The following MAP3K20 variants were observed in gnomAD, a reference collection of about 807,000 sequenced individuals.
The protein encoded by MAP3K20 is HCCS-4.
A neutral mutation model predicts 85.7 loss-of-function variants in MAP3K20; 40 were observed. The ratio of observed to expected loss-of-function variants is 0.47; its 90% CI spans 0.36 to 0.61. The LOEUF is 0.61. MAP3K20 is among the 20% of genes least tolerant of loss of function. MAP3K20 has a pLI of 0.00. For synonymous variants in MAP3K20, 325 were observed against 327.7 expected (o/e 0.99, Z 0.09); for missense variants, 817 against 961.7 (o/e 0.85, Z 1.99).
chr2:173,229,436 A>G (rs1684469031), intron 11 of MAP3K20, among the ~76,000 whole-genome samples: 1 of 152,166 alleles, frequency 6.6e-6, no homozygotes, highest in Non-Finnish European at 1.5e-5. Flanking sequence ...GGATGTAAAA[A>G]CCAGGTACCA....
intron 2 of MAP3K20, chr2:173,160,330 A>G (rs1334732607): frequency 6.6e-6 from 1 of 152,134 alleles, no homozygotes; most frequent in Non-Finnish European, 1.5e-5. Context: ...AGGATTGAAA[A>G]TCCTCCAAGC....
chr2:173,120,360 C>G (rs1688246442), intron 2 of MAP3K20, among the ~76,000 whole-genome samples: 1 of 151,994 alleles, frequency 6.6e-6, no homozygotes, highest in South Asian at 2.1e-4. Context: ...GGCATAGGAG[C>G]ACTAGGAGTC....
At chr2:173,265,933 T>C in intron 19 of MAP3K20, 117 bp from the exon 20 acceptor site, 1 of 1,026,138 alleles carries the variant, frequency 9.7e-7, no homozygotes, top group Admixed American at 2.9e-5. Context: ...AGAATTTCTA[T>C]GAATGGTAAA....
At chr2:173,158,002 A>G (rs931552490) in intron 2 of MAP3K20, among the ~76,000 whole-genome samples, 4 of 151,922 alleles carry the variant, frequency 2.6e-5, no homozygotes, top group South Asian at 2.1e-4. Flanking sequence ...GTGGAGTGGT[A>G]TGGTTTACTG....
chr2:173,244,707 A>G (rs1684874848), intron 16 of MAP3K20, among the ~76,000 whole-genome samples: 1 of 152,230 alleles, frequency 6.6e-6, no homozygotes, highest in Non-Finnish European at 1.5e-5. Flanking sequence ...CAGCTATGCC[A>G]GCCTATGTCT....
At chr2:173,242,867 C>G (rs569822392) in intron 16 of MAP3K20, among the ~76,000 whole-genome samples, 1 of 152,006 alleles carries the variant, frequency 6.6e-6, no homozygotes, top group Admixed American at 6.5e-5. Context: ...CCACCACACC[C>G]GGCTAATTTT....
At chr2:173,128,925 T>TTC (rs1553567211) in intron 2 of MAP3K20, among the ~76,000 whole-genome samples, 1 of 146,744 alleles carries the variant, frequency 6.8e-6, no homozygotes, top group Non-Finnish European at 1.5e-5. Flanking sequence ...TCTTTTCTTT[T>TTC]TTTTTTTTTT....
intron 2 of MAP3K20, among the ~76,000 whole-genome samples, chr2:173,143,552 T>G (rs1574052940): frequency 2.6e-5 from 4 of 152,326 alleles, no homozygotes; most frequent in African/African-American, 9.6e-5. Flanking sequence ...CCAAAAAACC[T>G]ACACCTAACA....
At chr2:173,168,526 G>A (rs78287588) in intron 2 of MAP3K20, among the ~76,000 whole-genome samples, 171 of 152,210 alleles carry the variant, frequency 1.1e-3, no homozygotes, top group African/African-American at 3.9e-3. Context: ...GAAAAAAACT[G>A]ATTAGCAAAT....
chr2:173,093,397 A>T (rs1002467917), intron 2 of MAP3K20, among the ~76,000 whole-genome samples: 2 of 152,184 alleles, frequency 1.3e-5, no homozygotes, highest in African/African-American at 4.8e-5. Flanking sequence ...ATTAGACTAA[A>T]TATATGTTCT....
chr2:173,242,724 T>TC (rs1207593304), intron 16 of MAP3K20, among the ~76,000 whole-genome samples: 1 of 117,604 alleles, frequency 8.5e-6, no homozygotes, highest in South Asian at 2.7e-4. Flanking sequence ...TTTTTTTTTT[T>TC]AAGACAGAGT....
At chr2:173,148,445 G>A (rs183991191) in intron 2 of MAP3K20, among the ~76,000 whole-genome samples, 13 of 152,294 alleles carry the variant, frequency 8.5e-5, no homozygotes, top group Admixed American at 7.9e-4. Flanking sequence ...AAAGGGACTT[G>A]GAATTTATTC....
chr2:173,187,507 A>T (rs754810552), intron 4 of MAP3K20, 51 bp from the exon 5 acceptor site: 2 of 1,466,336 alleles, frequency 1.4e-6, no homozygotes, highest in East Asian at 4.6e-5. Context: ...GGTAATACTG[A>T]TGTAATGTTG....
At chr2:173,200,069 A>ATAGT (rs540606259) in intron 8 of MAP3K20, among the ~76,000 whole-genome samples, 4 of 152,208 alleles carry the variant, frequency 2.6e-5, no homozygotes, top group African/African-American at 4.8e-5. Flanking sequence ...ATTAAATATA[A>ATAGT]TAGTTAGTTG....
At chr2:173,222,889 T>C in intron 11 of MAP3K20, 1 of 984,810 alleles carries the variant, frequency 1.0e-6, no homozygotes, top group Non-Finnish European at 1.2e-6. Flanking sequence ...TAAAACACTT[T>C]TAATTATATA....
At chr2:173,096,479 A>G (rs553601086) in intron 2 of MAP3K20, among the ~76,000 whole-genome samples, 1 of 152,120 alleles carries the variant, frequency 6.6e-6, no homozygotes, top group Non-Finnish European at 1.5e-5. Flanking sequence ...AGCTGGGACT[A>G]CAGGCATGTG....
intron 9 of MAP3K20, among the ~76,000 whole-genome samples, chr2:173,205,727 T>A (rs1227777830): frequency 1.3e-5 from 2 of 152,196 alleles, no homozygotes; most frequent in African/African-American, 4.8e-5. Flanking sequence ...GTCCTAGATA[T>A]TCCTAGTATT....
chr2:173,237,608 A>G lies in MAP3K20; in HGVS notation c.1204-765A>G, dbSNP rs1684684032. 2.0e-5 allele frequency among the ~76,000 whole-genome samples: 3 copies of G among 152,164 alleles called. No individual in the cohort carries two copies. In the South Asian group the frequency reaches 6.2e-4, roughly 32 times the overall value. ...TGAGTATCCAAAAAATCATCATTTAAATTGTCTTCCTTTCCTTTCAGATTT... is the reference window on the plus strand; with the variant it reads ...TGAGTATCCAAAAAATCATCATTTAGATTGTCTTCCTTTCCTTTCAGATTT... On this transcript the variant is annotated intron_variant, in intron 14 of 19. Coordinates refer to ENST00000375213, the MANE Select transcript of MAP3K20 (RefSeq NM_016653.3).
At chr2:173,187,706 A>C (rs1385787489) in intron 5 of MAP3K20, 83 bp downstream of exon 5, 6 of 1,289,524 alleles carry the variant, frequency 4.7e-6, no homozygotes, top group Non-Finnish European at 6.5e-6. Flanking sequence ...ATTCTTTTAC[A>C]TATCTTTTGT....
Sources: allele counts gnomAD v4.1 joint callset (sites outside exome capture counted in the v4.1 genomes callset), GRCh38; gene constraint gnomAD v4.1.1; transcripts MANE v1.5; gene names NCBI Gene and HGNC (gene_info 2026-07-23, HGNC 2026-07-21).